Variants in NUP205 observed in about 807,000 individuals in gnomAD.
The protein encoded by NUP205 is nuclear pore complex protein Nup205.
In NUP205, 76 loss-of-function variants were observed where a neutral mutation model predicts 253.8. The observed-to-expected ratio is 0.30, with a 90% CI of 0.25 to 0.36. The LOEUF is 0.36. Ranked by LOEUF, NUP205 falls within the 10% of genes least tolerant of loss-of-function variation. The pLI, the probability that NUP205 is intolerant of heterozygous loss-of-function variation, is 1.00. For synonymous variants in NUP205, 832 were observed against 850.1 expected (o/e 0.98, Z 0.37); for missense variants, 2,162 against 2,425.5 (o/e 0.89, Z 2.28).
chr7:135,645,909 C>T, intron 41 of NUP205: 1 of 576,638 alleles, frequency 1.7e-6, no homozygotes, highest in South Asian at 2.3e-5. Context: ...CTGGAGTGGG[C>T]CTCTGTGACT....
intron 17 of NUP205, among the ~76,000 whole-genome samples, chr7:135,602,279 G>A (rs1793982549): frequency 1.3e-5 from 2 of 152,194 alleles, no homozygotes; most frequent in African/African-American, 4.8e-5. Flanking sequence ...GGTGATCCTT[G>A]TTTCTATTTT....
rs1249352273 is a variant in NUP205 at position 135,571,161 on chromosome 7, T to C, written c.85T>C (p.Trp29Arg). The change falls in exon 2 of 43, where the codon TGG becomes CGG. Residue 29 changes from tryptophan (W) to arginine (R), a missense_variant. This residue lies in a region of NUP205 where 109 missense variants were observed against 131.8 expected (regional missense o/e 0.83). Transcript: ENST00000285968. ...TTGGCATAAAGTGGGAAATGCTCTTTGGAGAAGACAACCTGAAGCTGTTCA... is the reference window on the plus strand; with the variant it reads ...TTGGCATAAAGTGGGAAATGCTCTTCGGAGAAGACAACCTGAAGCTGTTCA... ...DIWHKVGNALWRRQPEAVHLL... is the reference protein window; with the variant it reads ...DIWHKVGNALRRRQPEAVHLL... The C allele has an allele frequency of 1.3e-6, 2 of 1,541,062 alleles. No homozygotes were observed. The highest frequency in any genetic ancestry group is 8.7e-7 in the Non-Finnish European group (1 of 1,143,034).
At chr7:135,597,461 T>C in intron 14 of NUP205, 43 bp downstream of exon 14, 3 of 1,165,176 alleles carry the variant, frequency 2.6e-6, no homozygotes, top group Non-Finnish European at 3.9e-6. Flanking sequence ...CATTCATGCA[T>C]GTAATGATAA....
intron 2 of NUP205, among the ~76,000 whole-genome samples, chr7:135,573,287 A>G (rs1263816536): frequency 1.3e-5 from 2 of 152,238 alleles, no homozygotes; most frequent in East Asian, 1.9e-4. Context: ...TGCTCTGCTA[A>G]GTAATTAAAC....
At chr7:135,612,595 A>G (rs1794267253) in intron 22 of NUP205, among the ~76,000 whole-genome samples, 1 of 152,228 alleles carries the variant, frequency 6.6e-6, no homozygotes, top group Admixed American at 6.5e-5. Flanking sequence ...CCCTTTTTAT[A>G]GTATGATAGC....
At chr7:135,584,015 G>A (rs553776880) in intron 7 of NUP205, among the ~76,000 whole-genome samples, 1 of 151,956 alleles carries the variant, frequency 6.6e-6, no homozygotes, top group East Asian at 2.0e-4. Context: ...CTAATTTTTT[G>A]TATTTTTAGT....
chr7:135,593,984 C>G (rs1430971654), intron 12 of NUP205, among the ~76,000 whole-genome samples: 1 of 152,058 alleles, frequency 6.6e-6, no homozygotes, highest in Non-Finnish European at 1.5e-5. Context: ...ATGTTCCCAA[C>G]ACAAAGAAAT....
intron 39 of NUP205, among the ~76,000 whole-genome samples, chr7:135,644,224 G>A (rs966316452): frequency 2.6e-5 from 4 of 152,208 alleles, no homozygotes; most frequent in African/African-American, 9.6e-5. Context: ...CAGGAACAGG[G>A]TGAGGCAGGA....
chr7:135,577,616 AC>A lies in NUP205; in HGVS notation c.649-179del, dbSNP rs1461266474. Among the ~76,000 whole-genome samples, 8 of 152,300 alleles carry A rather than the reference AC, an allele frequency of 5.3e-5. 1 individual carries two copies. The highest frequency in any genetic ancestry group is 2.6e-4 in the Admixed American group (4 of 15,296). On this transcript the variant is annotated intron_variant, in intron 5 of 42. Coordinates refer to ENST00000285968, the MANE Select transcript of NUP205 (RefSeq NM_015135.3). ...ATTGGTCATCCCAATTTCTTAAGGA[AC>A]TTAAGGATAAGGAATAAACAATAGG...
At chr7:135,575,783 C>T (rs1806134352) in intron 3 of NUP205, among the ~76,000 whole-genome samples, 1 of 151,398 alleles carries the variant, frequency 6.6e-6, no homozygotes. Flanking sequence ...GAGTGAGACT[C>T]CATCTCAAAA....
At chr7:135,646,597 CAATA>C (rs955087520) in intron 42 of NUP205, among the ~76,000 whole-genome samples, 7 of 151,734 alleles carry the variant, frequency 4.6e-5, no homozygotes, top group Non-Finnish European at 1.0e-4. Flanking sequence ...ACCTTGTCTC[CAATA>C]AATAAATAAA....
chr7:135,560,447 A>AT (rs1805553927), intron 1 of NUP205, among the ~76,000 whole-genome samples: 1 of 152,220 alleles, frequency 6.6e-6, no homozygotes, highest in Admixed American at 6.5e-5. Context: ...CATAGGAAAC[A>AT]TTTTTAAAAG....
In NUP205 at chr7:135,600,751, A is replaced by C. The variant is rs1206211696; in HGVS notation, c.2275-119A>C. ...TCTATATTGCTTAGCGTAAGTGAAT[A>C]AAGTGGACAAGAAACTTCACTCATT... On this transcript the variant is annotated intron_variant, in intron 15 of 42. Transcript: ENST00000285968. 3 of 531,036 alleles carry C rather than the reference A, an allele frequency of 5.6e-6. No homozygotes were observed. In the Admixed American group the frequency reaches 9.6e-5, roughly 17 times the overall value. The allele number at this position is 531,036 out of a possible 1,614,324, so 32.9% of individuals were successfully genotyped here. A position where few individuals can be genotyped will look rare whatever the true frequency, so the allele number is the denominator to read the frequency against.
intron 35 of NUP205, among the ~76,000 whole-genome samples, chr7:135,634,605 C>G (rs539314427): frequency 2.6e-5 from 4 of 152,218 alleles, no homozygotes; most frequent in South Asian, 4.1e-4. Flanking sequence ...ACAAGAAAGA[C>G]TTTAGCCTAT....
chr7:135,618,367 C>T (rs746879235), intron 27 of NUP205, 45 bp from the exon 28 acceptor site: 136 of 1,502,368 alleles, frequency 9.1e-5, no homozygotes, highest in Non-Finnish European at 1.2e-4. Context: ...GATAACTGAT[C>T]TTATTTGCCT....
At chr7:135,620,743 T>C (rs1419024528) in intron 30 of NUP205, among the ~76,000 whole-genome samples, 1 of 152,214 alleles carries the variant, frequency 6.6e-6, no homozygotes, top group African/African-American at 2.4e-5. Context: ...AAGATTCAAA[T>C]GAATGACCTT....
At chr7:135,581,631 C>A (rs867881893) in intron 7 of NUP205, among the ~76,000 whole-genome samples, 1 of 151,870 alleles carries the variant, frequency 6.6e-6, no homozygotes, top group South Asian at 2.1e-4. Flanking sequence ...GCAGGTGGAT[C>A]GCTTGAGGTC....
chr7:135,631,328 C>T (rs1475908108), intron 35 of NUP205, among the ~76,000 whole-genome samples: 3 of 152,138 alleles, frequency 2.0e-5, no homozygotes, highest in East Asian at 1.9e-4. Context: ...AAGGAATTGC[C>T]AAATTCCAGA....
At chr7:135,606,019 C>T (rs1195748398) in intron 19 of NUP205, 126 bp from the exon 20 acceptor site, 4 of 622,220 alleles carry the variant, frequency 6.4e-6, no homozygotes, top group East Asian at 2.7e-5. Flanking sequence ...GTAACTAAAA[C>T]GTAAATACCT....
Sources: gnomAD v4.1 joint callset for allele counts (sites outside exome capture counted in the v4.1 genomes callset) on GRCh38, gnomAD v4.1.1 for gene constraint, gnomAD v4.1.1 regional missense constraint, MANE v1.5 for transcripts, NCBI Gene and HGNC (gene_info 2026-07-23, HGNC 2026-07-21) for gene names.